DPP6: variants seen among roughly 807,000 people sequenced by gnomAD.
DPP6 encodes the protein dipeptidyl peptidase like 6.
DPP6 carries 69 observed loss-of-function variants against 122.6 expected under a neutral mutation model. The ratio of observed to expected loss-of-function variants is 0.56; its 90% CI spans 0.46 to 0.69. DPP6 has a LOEUF of 0.69. Ranked by LOEUF, DPP6 falls within the 30% of genes least tolerant of loss-of-function variation. The pLI, the probability that DPP6 is intolerant of heterozygous loss-of-function variation, is 0.00. For missense variants in DPP6, 928 were observed against 1,116.9 expected (o/e 0.83, Z 2.41); for synonymous variants, 418 against 433.1 (o/e 0.97, Z 0.43).
chr7:153,918,564 C>G lies in DPP6; in HGVS notation c.51+30830C>G, dbSNP rs1330291929. On this transcript the variant is annotated intron_variant, in intron 1 of 25. Transcript: ENST00000404039. Reference sequence around the variant, plus strand: ...ACACACACACACACACACACACACACAGTCTCTCTCTCTCTCTCTCTCTCT... The same window carrying G: ...ACACACACACACACACACACACACAGAGTCTCTCTCTCTCTCTCTCTCTCT... 3.2e-4 allele frequency among the ~76,000 whole-genome samples: 17 copies of G among 52,870 alleles called. No individual in the cohort carries two copies. In the Admixed American group the frequency reaches 3.9e-3, roughly 12 times the overall value. The allele number at this position is 52,870 out of a possible 152,430, so 34.7% of individuals were successfully genotyped here.
At chr7:154,339,710 A>G (rs762126889) in intron 1 of DPP6, among the ~76,000 whole-genome samples, 33 of 152,092 alleles carry the variant, frequency 2.2e-4, no homozygotes, top group Non-Finnish European at 4.6e-4. Flanking sequence ...AGTCTTTGGT[A>G]TGAAAGTGGC....
chr7:153,753,832 T>A, the DPP6 span, among the ~76,000 whole-genome samples: 257 of 152,262 alleles, frequency 1.7e-3, no homozygotes, highest in African/African-American at 6.0e-3. Flanking sequence ...ATCTCCTGTT[T>A]ACCCATTTGC....
chr7:154,591,168 G>A (rs1001174394), intron 5 of DPP6, among the ~76,000 whole-genome samples: 1 of 152,220 alleles, frequency 6.6e-6, no homozygotes, highest in Non-Finnish European at 1.5e-5. Context: ...AGGGAGGAGA[G>A]CCCAATGGCT....
rs1388528887 is a variant in DPP6, at chr7:154,410,611, G to T, written c.244-35603G>T. Reference sequence around the variant, plus strand: ...TGTGGAGATAGGTGGAGGAGGTAGTGCTTGTTATAATTAAATAATCACACA... The same window carrying T: ...TGTGGAGATAGGTGGAGGAGGTAGTTCTTGTTATAATTAAATAATCACACA... On this transcript the variant is annotated intron_variant, in intron 1 of 25. Coordinates refer to ENST00000377770, the MANE Select transcript of DPP6 (RefSeq NM_130797.4). Among the ~76,000 whole-genome samples the T allele has an allele frequency of 2.6e-5, 4 of 152,294 alleles. No individual in the cohort carries two copies. The East Asian group carries it at 7.7e-4, about 29-fold the overall frequency.
intron 1 of DPP6, chr7:154,057,585 C>A (rs1027662783): frequency 6.6e-6 from 1 of 150,830 alleles, no homozygotes; most frequent in Non-Finnish European, 1.5e-5. Flanking sequence ...AGCTTAAGGG[C>A]AGAAGGCAGG....
the DPP6 span, among the ~76,000 whole-genome samples, chr7:153,801,578 G>A: frequency 0.012 from 1,799 of 152,252 alleles, 39 homozygotes; most frequent in African/African-American, 0.042. Context: ...CACTCCAGCC[G>A]CTCTGCTGGG....
chr7:154,702,017 A>G (rs970325674), intron 7 of DPP6, among the ~76,000 whole-genome samples: 1 of 152,200 alleles, frequency 6.6e-6, no homozygotes, highest in African/African-American at 2.4e-5. Flanking sequence ...TTCACTTTGC[A>G]TCTCTGTCAC....
chr7:154,686,055 C>T (rs1839578762), intron 7 of DPP6, among the ~76,000 whole-genome samples: 1 of 151,832 alleles, frequency 6.6e-6, no homozygotes, highest in Admixed American at 6.6e-5. Context: ...ATAACAGCGG[C>T]CTTTTAGATA....
exon 1 of DPP6, chr7:153,887,591 C>T (rs1798986610): frequency 6.7e-7 from 1 of 1,487,468 alleles, no homozygotes; most frequent in African/African-American, 1.4e-5. Context: ...TCCATCCAGT[C>T]TTCAGCCAGT....
intron 7 of DPP6, among the ~76,000 whole-genome samples, chr7:154,687,353 A>G (rs1839677502): frequency 6.6e-6 from 1 of 152,116 alleles, no homozygotes; most frequent in Admixed American, 6.6e-5. Context: ...TTTTAAATGT[A>G]TTTACAGTTT....
intron 6 of DPP6, among the ~76,000 whole-genome samples, chr7:154,668,561 C>G (rs1313705490): frequency 6.6e-6 from 1 of 152,012 alleles, no homozygotes; most frequent in Non-Finnish European, 1.5e-5. Context: ...GCTTACCTGA[C>G]AGAGCCCAGC....
chr7:154,669,554 GT>G, intron 7 of DPP6, 113 bp downstream of exon 7: 1 of 1,413,592 alleles, frequency 7.1e-7, no homozygotes, highest in Non-Finnish European at 9.4e-7. Context: ...GTGTGTGTGT[GT>G]GTGTGTGTGT....
At chr7:154,399,153 C>T (rs1376294520) in intron 1 of DPP6, among the ~76,000 whole-genome samples, 1 of 152,158 alleles carries the variant, frequency 6.6e-6, no homozygotes, top group African/African-American at 2.4e-5. Context: ...ATTCTGGAAA[C>T]TCAGGAGAAG....
At chr7:154,127,796 C>A (rs1585434444) in intron 1 of DPP6, among the ~76,000 whole-genome samples, 1 of 152,186 alleles carries the variant, frequency 6.6e-6, no homozygotes, top group East Asian at 1.9e-4. Context: ...CTTTCTAAAG[C>A]TGTTCTCAGC....
the DPP6 span, among the ~76,000 whole-genome samples, chr7:153,813,033 T>C: frequency 7.2e-5 from 11 of 152,230 alleles, no homozygotes; most frequent in Admixed American, 7.2e-4. Context: ...TTTATTATTA[T>C]TATACTTTAA....
At chr7:154,058,841 C>G (rs1212082142) in intron 1 of DPP6, 1 of 149,854 alleles carries the variant, frequency 6.7e-6, no homozygotes, top group East Asian at 2.0e-4. Flanking sequence ...TCTTCCGCCC[C>G]TGGCTGTTAG....
At chr7:154,171,829 C>A (rs1797547371) in intron 1 of DPP6, among the ~76,000 whole-genome samples, 1 of 149,068 alleles carries the variant, frequency 6.7e-6, no homozygotes, top group South Asian at 2.1e-4. Flanking sequence ...ATATATATAA[C>A]CACCATTCCA....
chr7:154,182,040 C>A (rs1021918763), intron 1 of DPP6, among the ~76,000 whole-genome samples: 1 of 152,208 alleles, frequency 6.6e-6, no homozygotes, highest in Non-Finnish European at 1.5e-5. Flanking sequence ...GTGTGTGCCA[C>A]CGTGCCTGGC....
intron 1 of DPP6, among the ~76,000 whole-genome samples, chr7:154,369,187 T>A (rs1812434453): frequency 6.6e-6 from 1 of 152,150 alleles, no homozygotes; most frequent in Non-Finnish European, 1.5e-5. Context: ...CCTCCAACTC[T>A]GGGTTCAAGT....
Sources: allele counts gnomAD v4.1 joint callset (sites outside exome capture counted in the v4.1 genomes callset), GRCh38; gene constraint gnomAD v4.1.1; transcripts MANE v1.5; gene names NCBI Gene and HGNC (gene_info 2026-07-23, HGNC 2026-07-21).